Variants in EIF2S3B observed in about 807,000 individuals in gnomAD.
EIF2S3B encodes eukaryotic translation initiation factor 2 subunit gamma B, also known as eukaryotic translation initiation factor 2 subunit 3B.
Under a neutral mutation model 26.4 loss-of-function variants are expected in EIF2S3B, and 16 were observed. That is an observed-to-expected ratio of 0.61 (90% CI 0.41 to 0.92). The LOEUF (loss-of-function observed/expected upper bound fraction) is 0.92, where lower values mean the gene tolerates loss of function less well. EIF2S3B is among the 40% of genes least tolerant of loss of function. EIF2S3B has a pLI of 0.00. For missense variants in EIF2S3B, 510 were observed against 575.5 expected, an observed-to-expected ratio of 0.89 and a Z score of 1.16; for synonymous variants, 183 against 204.4, an observed-to-expected ratio of 0.90 and a Z score of 0.89.
intron 1 of EIF2S3B, among the ~76,000 whole-genome samples, chr12:10,518,124 G>C (rs1349670944): frequency 1.3e-5 from 2 of 151,986 alleles, no homozygotes; most frequent in African/African-American, 2.4e-5. Flanking sequence ...ATGTCTATTA[G>C]GTCCACTTGG....
rs1169097401 is a variant in EIF2S3B at position 10,507,798 on chromosome 12, C to T, written c.*477C>T. Among the ~76,000 whole-genome samples the T allele has an allele frequency of 5.9e-5, 9 of 152,144 alleles. 1 individual carries two copies. The East Asian group carries it at 1.6e-3, about 26-fold the overall frequency. ...AGAGACGGGGTTTCGGCATGTTGGC[C>T]AGGCCAGTCTCTCCTGACCTCAGGG... On this transcript the variant is annotated 3_prime_UTR_variant, in exon 1 of 1. Coordinates refer to ENST00000538173, the MANE Select transcript of EIF2S3B (RefSeq NM_001357734.3).
At chr12:10,509,833 A>G (rs1425068402), downstream of EIF2S3B, among the ~76,000 whole-genome samples, 1 of 152,014 alleles carries the variant, frequency 6.6e-6, no homozygotes, top group Middle Eastern at 3.2e-3. Context: ...TAAATTAATT[A>G]TAAATAAATT....
chr12:10,517,001 G>T, intron 1 of EIF2S3B, among the ~76,000 whole-genome samples: 1 of 150,478 alleles, frequency 6.6e-6, no homozygotes, highest in Non-Finnish European at 1.5e-5. Flanking sequence ...TGTGCTGCTG[G>T]ATTCGGTTTG....
At chr12:10,512,477 T>C (rs1447308845), downstream of EIF2S3B, among the ~76,000 whole-genome samples, 1 of 152,198 alleles carries the variant, frequency 6.6e-6, no homozygotes, top group Admixed American at 6.6e-5. Context: ...CAGATATTTC[T>C]ATTATTTAAT....
chr12:10,509,086 G>C (rs2137944221), downstream of EIF2S3B, among the ~76,000 whole-genome samples: 1 of 152,146 alleles, frequency 6.6e-6, no homozygotes, highest in Non-Finnish European at 1.5e-5. Context: ...CTGCTACTTA[G>C]TGCTCTATTA....
chr12:10,506,997 T>C lies in EIF2S3B; in HGVS notation c.1095T>C (p.Pro365=), dbSNP rs1310767812. The C allele has an allele frequency of 1.2e-6, 2 of 1,613,678 alleles. No homozygotes were observed. The highest frequency in any genetic ancestry group is 1.7e-6 in the Non-Finnish European group (2 of 1,179,700). Residue 365 remains proline, a synonymous_variant, in exon 1 of 1, where the codon CCT becomes CCC. Transcript: ENST00000538173. ...GQILGAVGAL[P]EIFTELEISY... is the part of the protein sequence containing the mutation. ...TACTTGGTGCAGTCGGAGCTTTACCTGAGATATTCACAGAATTGGAAATTT... is the reference window on the plus strand; with the variant it reads ...TACTTGGTGCAGTCGGAGCTTTACCCGAGATATTCACAGAATTGGAAATTT...
chr12:10,510,778 T>C (rs763813267), downstream of EIF2S3B, among the ~76,000 whole-genome samples: 1 of 152,132 alleles, frequency 6.6e-6, no homozygotes, highest in Non-Finnish European at 1.5e-5. Context: ...CATTCGGAAA[T>C]CTTGACTTCT....
chr12:10,513,570 A>G, intron 1 of EIF2S3B, among the ~76,000 whole-genome samples: 1 of 152,212 alleles, frequency 6.6e-6, no homozygotes, highest in African/African-American at 2.4e-5. Context: ...ACTGCTGTAA[A>G]TATTCCTGTA....
chr12:10,517,471 T>G (rs999254418), intron 1 of EIF2S3B, among the ~76,000 whole-genome samples: 38 of 152,188 alleles, frequency 2.5e-4, no homozygotes, highest in Non-Finnish European at 4.6e-4. Context: ...CCTTTATCAT[T>G]TTTTATTGTG....
At chr12:10,521,416 CTG>C (rs1189989212) in intron 1 of EIF2S3B, among the ~76,000 whole-genome samples, 1 of 151,884 alleles carries the variant, frequency 6.6e-6, no homozygotes, top group African/African-American at 2.4e-5. Context: ...ATGAGGCAAA[CTG>C]AGCCTCAAAG....
intron 1 of EIF2S3B, among the ~76,000 whole-genome samples, chr12:10,520,632 AAC>A (rs1297541221): frequency 6.6e-5 from 10 of 152,294 alleles, no homozygotes; most frequent in African/African-American, 2.2e-4. Flanking sequence ...ATAAACAAAA[AAC>A]AGTTTACCTT....
chr12:10,514,042 G>T (rs1319067499), intron 1 of EIF2S3B, among the ~76,000 whole-genome samples: 2 of 151,952 alleles, frequency 1.3e-5, no homozygotes, highest in African/African-American at 4.8e-5. Flanking sequence ...AAAAGAAGAA[G>T]AAGAATCATG....
At chr12:10,519,956 G>T (rs1454970765) in intron 1 of EIF2S3B, among the ~76,000 whole-genome samples, 1 of 152,158 alleles carries the variant, frequency 6.6e-6, no homozygotes, top group Admixed American at 6.5e-5. Flanking sequence ...GTGTGGCAAT[G>T]CCTCAGGGAT....
At chr12:10,518,930 TGC>T (rs1864796805) in intron 1 of EIF2S3B, among the ~76,000 whole-genome samples, 1 of 152,172 alleles carries the variant, frequency 6.6e-6, no homozygotes. Context: ...ATGGCCATAC[TGC>T]CCAAGGTAAT....
intron 1 of EIF2S3B, among the ~76,000 whole-genome samples, chr12:10,521,669 A>T (rs1864834220): frequency 6.6e-6 from 1 of 152,206 alleles, no homozygotes; most frequent in Admixed American, 6.5e-5. Context: ...TTCTAAGTTA[A>T]CTAAGGGTGT....
intron 1 of EIF2S3B, among the ~76,000 whole-genome samples, chr12:10,516,984 T>G (rs1204777185): frequency 6.6e-6 from 1 of 150,422 alleles, no homozygotes; most frequent in Non-Finnish European, 1.5e-5. Context: ...GTGGATAAGC[T>G]TTTTGATGTG....
downstream of EIF2S3B, among the ~76,000 whole-genome samples, chr12:10,510,279 A>G (rs1187390131): frequency 6.6e-6 from 1 of 152,122 alleles, no homozygotes; most frequent in East Asian, 1.9e-4. Flanking sequence ...TACTAAAGGT[A>G]CCTCCACCAA....
chr12:10,516,534 A>G (rs1864759616), intron 1 of EIF2S3B, among the ~76,000 whole-genome samples: 1 of 152,188 alleles, frequency 6.6e-6, no homozygotes, highest in Admixed American at 6.6e-5. Context: ...ACCTCTCAAT[A>G]TGTAAAGAAG....
At position 10,506,633 on chromosome 12, in the gene EIF2S3B, CAGTACCCCCA is replaced by C; in HGVS notation, c.734_743del (p.Val245GlufsTer31). 1 of 1,612,638 alleles carries C rather than the reference CAGTACCCCCA, an allele frequency of 6.2e-7. No individual in the cohort carries two copies. Among genetic ancestry groups the C allele is most frequent in the Non-Finnish European group, 8.5e-7 (1 of 1,178,730 alleles). ...TGTGAGTACATAGTAAAGAAAATTC[CAGTACCCCCA>C]AGAGACTTTACTTCAGAGCCCCGGC... On this transcript the variant is annotated frameshift_variant, in exon 1 of 1. Transcript: ENST00000538173. LOFTEE classifies it high-confidence loss of function.
Sources: gnomAD v4.1 joint callset for allele counts (sites outside exome capture counted in the v4.1 genomes callset) on GRCh38, gnomAD v4.1.1 for gene constraint, MANE v1.5 for transcripts, NCBI Gene and HGNC (gene_info 2026-07-23, HGNC 2026-07-21) for gene names.